Variants in PARP8 observed in about 807,000 individuals in gnomAD.
PARP8 encodes the protein protein mono-ADP-ribosyltransferase PARP8.
A neutral mutation model predicts 124.1 loss-of-function variants in PARP8; 51 were observed. That is an observed-to-expected ratio of 0.41 (90% CI 0.33 to 0.52). The LOEUF is 0.52. PARP8 is among the 20% of genes least tolerant of loss of function. The pLI, the probability that PARP8 is intolerant of heterozygous loss-of-function variation, is 0.21. For missense variants in PARP8, 860 were observed against 1,018.9 expected, an observed-to-expected ratio of 0.84 and a Z score of 2.12; for synonymous variants, 391 against 361.5, an observed-to-expected ratio of 1.08 and a Z score of -0.93.
chr5:50,715,161 T>G (rs1312412860), intron 2 of PARP8, among the ~76,000 whole-genome samples: 1 of 152,076 alleles, frequency 6.6e-6, no homozygotes, highest in Non-Finnish European at 1.5e-5. Flanking sequence ...AAAAGACTGC[T>G]GCAAACAGTA....
At chr5:50,700,996 G>C (rs147053310) in intron 2 of PARP8, among the ~76,000 whole-genome samples, 57 of 152,156 alleles carry the variant, frequency 3.7e-4, no homozygotes, top group Admixed American at 7.8e-4. Context: ...TTCTTTATCT[G>C]GGAGACAATG....
At chr5:50,756,383 TCTTTAACC>T (rs1478171382) in intron 3 of PARP8, among the ~76,000 whole-genome samples, 17 of 152,166 alleles carry the variant, frequency 1.1e-4, no homozygotes, top group Admixed American at 1.1e-3. Context: ...TTAAGTCCTT[TCTTTAACC>T]CTTTTTACGC....
At chr5:50,818,537 C>T (rs765391838) in intron 15 of PARP8, among the ~76,000 whole-genome samples, 7 of 151,894 alleles carry the variant, frequency 4.6e-5, no homozygotes, top group Non-Finnish European at 1.0e-4. Context: ...GCCTCTCTTA[C>T]ATTTTTATTT....
At chr5:50,825,591 A>G (rs183615904) in intron 18 of PARP8, among the ~76,000 whole-genome samples, 50 of 152,270 alleles carry the variant, frequency 3.3e-4, no homozygotes, top group Admixed American at 2.0e-3. Context: ...GCCCTCTTCT[A>G]CTTCTAATAA....
chr5:50,781,201 A>T (rs1467931550), intron 9 of PARP8, among the ~76,000 whole-genome samples: 1 of 152,074 alleles, frequency 6.6e-6, no homozygotes, highest in Non-Finnish European at 1.5e-5. Flanking sequence ...ATTTCATCTT[A>T]AATTTAATGT....
intron 12 of PARP8, among the ~76,000 whole-genome samples, chr5:50,796,003 T>A (rs26069): frequency 0.11 from 16,070 of 152,258 alleles, 887 homozygotes; most frequent in South Asian, 0.16. Context: ...GACCAGAAGA[T>A]GACTTCAATA....
chr5:50,743,792 T>TA (rs1378203316), intron 2 of PARP8, among the ~76,000 whole-genome samples: 1 of 152,106 alleles, frequency 6.6e-6, no homozygotes, highest in East Asian at 1.9e-4. Context: ...ATTGATTAAA[T>TA]AAAATTGAGA....
intron 14 of PARP8, among the ~76,000 whole-genome samples, chr5:50,803,820 T>C (rs1423114117): frequency 6.6e-6 from 1 of 152,180 alleles, no homozygotes; most frequent in Non-Finnish European, 1.5e-5. Flanking sequence ...ATTAGTTGCT[T>C]TTTACCCTGT....
rs1411833287 is a variant in PARP8, at chr5:50,844,929, G to A, written c.*2861G>A. ...TTGGTGTCTTCGAGTGCACTATGTT[G>A]GAATAAATTTTATACTTGTTGCTTA... On this transcript the variant is annotated 3_prime_UTR_variant, in exon 26 of 26. Transcript: ENST00000281631. 2 of 150,894 alleles carry A rather than the reference G, an allele frequency of 1.3e-5. No homozygotes were observed. The highest frequency in any genetic ancestry group is 3.0e-5 in the Non-Finnish European group (2 of 67,596). The allele number at this position is 150,894 out of a possible 1,614,324, so 9.3% of individuals were successfully genotyped here. A position where few individuals can be genotyped will look rare whatever the true frequency, so the allele number is the denominator to read the frequency against.
At chr5:50,812,313 T>C (rs1163664988) in intron 14 of PARP8, among the ~76,000 whole-genome samples, 1 of 152,216 alleles carries the variant, frequency 6.6e-6, no homozygotes, top group Non-Finnish European at 1.5e-5. Context: ...TATCTCATTG[T>C]GGTTTTGATT....
chr5:50,717,505 TA>T (rs1292626752), intron 2 of PARP8, among the ~76,000 whole-genome samples: 2 of 151,898 alleles, frequency 1.3e-5, no homozygotes, highest in African/African-American at 4.8e-5. Flanking sequence ...AGTGTGAGGT[TA>T]GTATATAGGG....
intron 2 of PARP8, among the ~76,000 whole-genome samples, chr5:50,680,550 G>GGA (rs1166765120): frequency 6.6e-6 from 1 of 152,056 alleles, no homozygotes; most frequent in Non-Finnish European, 1.5e-5. Context: ...ATCTTTTAAA[G>GGA]GAAATACCAA....
intron 17 of PARP8, among the ~76,000 whole-genome samples, chr5:50,823,113 G>A (rs1745952354): frequency 6.6e-6 from 1 of 152,202 alleles, no homozygotes; most frequent in Non-Finnish European, 1.5e-5. Context: ...TGGTTTCAAG[G>A]ATTGCACTGC....
chr5:50,832,664 C>G (rs1171376609), intron 22 of PARP8, 117 bp from the exon 23 acceptor site: 6 of 964,168 alleles, frequency 6.2e-6, no homozygotes, highest in Non-Finnish European at 9.5e-6. Context: ...GTTACTGTCT[C>G]TAGCCTAATG....
chr5:50,744,968 A>G (rs138352362), intron 2 of PARP8: 526 of 537,854 alleles, frequency 9.8e-4, no homozygotes, highest in African/African-American at 9.0e-3. Context: ...TTTTGGTACT[A>G]CTCATTAGAT....
At chr5:50,726,624 A>G (rs1365262534) in intron 2 of PARP8, among the ~76,000 whole-genome samples, 3 of 152,194 alleles carry the variant, frequency 2.0e-5, no homozygotes, top group African/African-American at 7.2e-5. Context: ...CCTTTACCCC[A>G]GTGTGGGAAA....
At chr5:50,806,848 A>G (rs1204832948) in intron 14 of PARP8, among the ~76,000 whole-genome samples, 9 of 152,086 alleles carry the variant, frequency 5.9e-5, no homozygotes, top group Non-Finnish European at 1.2e-4. Context: ...TAAAAATAAT[A>G]TATAATTTCT....
rs554959710 is a variant in PARP8 at position 50,667,031 on chromosome 5, G to T, written c.-65G>T. ...TTTAACTGAATATTTACGAAAGCTGGAAGCGTGCGAGGGGGGTGGGGTGGG... is the reference window on the plus strand; with the variant it reads ...TTTAACTGAATATTTACGAAAGCTGTAAGCGTGCGAGGGGGGTGGGGTGGG... On this transcript the variant is annotated 5_prime_UTR_variant, in exon 1 of 26. Transcript: ENST00000281631. 1 of 1,593,282 alleles carries T rather than the reference G, an allele frequency of 6.3e-7. No individual in the cohort carries two copies. Among genetic ancestry groups the T allele is most frequent in the African/African-American group, 1.3e-5 (1 of 74,742 alleles).
At chr5:50,697,697 G>T (rs1248035688) in intron 2 of PARP8, among the ~76,000 whole-genome samples, 1 of 152,084 alleles carries the variant, frequency 6.6e-6, no homozygotes, top group Admixed American at 6.6e-5. Flanking sequence ...TTTTGTAGCG[G>T]CAGGGTCTTG....
Sources: gnomAD v4.1 joint callset for allele counts (sites outside exome capture counted in the v4.1 genomes callset) on GRCh38, gnomAD v4.1.1 for gene constraint, MANE v1.5 for transcripts, NCBI Gene and HGNC (gene_info 2026-07-23, HGNC 2026-07-21) for gene names.